Variants in ESR1 observed in about 807,000 individuals in gnomAD.
The protein encoded by ESR1 is estrogen receptor 1.
Under a neutral mutation model 52.7 loss-of-function variants are expected in ESR1, and 12 were observed. The observed-to-expected ratio is 0.23, with a 90% CI of 0.15 to 0.37. The LOEUF is 0.37. Among genes scored for constraint, ESR1 ranks in the 10% least tolerant of loss-of-function variants. The pLI is 1.00. For missense variants in ESR1, 584 were observed against 779.7 expected (o/e 0.75, Z 2.99); for synonymous variants, 305 against 316.8 (o/e 0.96, Z 0.39).
At chr6:151,666,002 A>G (rs1232181311) in intron 1 of ESR1, among the ~76,000 whole-genome samples, 4 of 152,204 alleles carry the variant, frequency 2.6e-5, no homozygotes, top group Non-Finnish European at 5.9e-5. Context: ...CTAAGAAATT[A>G]TTGGGAAAAA....
intron 2 of ESR1, among the ~76,000 whole-genome samples, chr6:151,749,526 A>G (rs1186537994): frequency 6.6e-6 from 1 of 152,128 alleles, no homozygotes; most frequent in Admixed American, 6.6e-5. Flanking sequence ...GATTCCTCTC[A>G]CCTAACTGCA....
intron 6 of ESR1, among the ~76,000 whole-genome samples, chr6:152,112,456 G>A (rs1254403129): frequency 1.3e-5 from 2 of 152,114 alleles, no homozygotes; most frequent in South Asian, 2.1e-4. Context: ...AGCTACCAGG[G>A]ATATTTAGGC....
chr6:151,686,633 A>C (rs1778692698), upstream of ESR1, among the ~76,000 whole-genome samples: 3 of 152,196 alleles, frequency 2.0e-5, no homozygotes, highest in Admixed American at 2.0e-4. Context: ...GCTTGCAGTG[A>C]GCCGAGATGG....
chr6:152,015,786 C>T (rs897317879), intron 5 of ESR1, among the ~76,000 whole-genome samples: 17 of 152,086 alleles, frequency 1.1e-4, no homozygotes, highest in East Asian at 3.8e-4. Flanking sequence ...GCGCATTTGG[C>T]GTGTGCTTAT....
At chr6:151,999,207 T>C (rs1308294601) in intron 4 of ESR1, among the ~76,000 whole-genome samples, 1 of 152,152 alleles carries the variant, frequency 6.6e-6, no homozygotes, top group African/African-American at 2.4e-5. Flanking sequence ...CAGATTTTGC[T>C]ATCACTTAAA....
chr6:152,011,494 TTTAAAAATAATTACTTGA>T (rs1452595359), intron 4 of ESR1, among the ~76,000 whole-genome samples, 144 bp from the exon 5 acceptor site: 2 of 152,086 alleles, frequency 1.3e-5, no homozygotes, highest in African/African-American at 2.4e-5. Flanking sequence ...ATAGCTAGAC[TTTAAAAATAATTACTTGA>T]CTTCACTATA....
intron 4 of ESR1, among the ~76,000 whole-genome samples, chr6:151,975,462 A>T (rs574181626): frequency 1.3e-5 from 2 of 152,258 alleles, no homozygotes; most frequent in Non-Finnish European, 1.5e-5. Flanking sequence ...CAATCAATCA[A>T]TCAAGACAAA....
intron 3 of ESR1, among the ~76,000 whole-genome samples, chr6:151,939,516 T>C (rs769722396): frequency 7.2e-5 from 11 of 152,208 alleles, no homozygotes; most frequent in Non-Finnish European, 1.5e-4. Flanking sequence ...GTATGTTCCA[T>C]AGTGACACAG....
At chr6:151,861,039 TA>T (rs1788791012) in intron 2 of ESR1, among the ~76,000 whole-genome samples, 1 of 152,192 alleles carries the variant, frequency 6.6e-6, no homozygotes, top group Non-Finnish European at 1.5e-5. Context: ...TTCCCTGACT[TA>T]AAATATACTT....
chr6:151,725,215 C>A (rs185277056), intron 2 of ESR1, among the ~76,000 whole-genome samples: 2 of 152,028 alleles, frequency 1.3e-5, no homozygotes, highest in African/African-American at 2.4e-5. Flanking sequence ...CCCCCCAGGG[C>A]GGTTTAGTAT....
intron 2 of ESR1, among the ~76,000 whole-genome samples, chr6:151,712,460 T>G (rs957346874): frequency 7.2e-5 from 11 of 152,214 alleles, no homozygotes. Context: ...ATATTGATTC[T>G]TCCTATCCAA....
intron 4 of ESR1, among the ~76,000 whole-genome samples, chr6:151,988,690 C>G (rs1428046781): frequency 6.6e-6 from 1 of 151,866 alleles, no homozygotes; most frequent in Non-Finnish European, 1.5e-5. Flanking sequence ...ACAAGTTTAC[C>G]TATGTGAGAA....
At chr6:152,083,321 A>G (rs2049400375) in intron 6 of ESR1, among the ~76,000 whole-genome samples, 1 of 152,232 alleles carries the variant, frequency 6.6e-6, no homozygotes. Flanking sequence ...CACATCTGCA[A>G]CCATCTGATC....
chr6:151,858,662 G>A (rs1788327935), intron 2 of ESR1, among the ~76,000 whole-genome samples: 1 of 150,218 alleles, frequency 6.7e-6, no homozygotes, highest in Admixed American at 6.6e-5. Context: ...TCCCTGAGGA[G>A]TTTAGCTTTG....
chr6:152,116,534 G>C (rs2051212579), intron 6 of ESR1, among the ~76,000 whole-genome samples: 1 of 152,202 alleles, frequency 6.6e-6, no homozygotes, highest in Non-Finnish European at 1.5e-5. Flanking sequence ...ATGATGTAGA[G>C]AGAGTAGATA....
At chr6:151,671,302 T>C (rs1340025166) in intron 1 of ESR1, among the ~76,000 whole-genome samples, 1 of 152,146 alleles carries the variant, frequency 6.6e-6, no homozygotes. Flanking sequence ...AACAGATGAA[T>C]GGATAAAGCA....
chr6:151,822,055 A>T (rs982405901), intron 1 of ESR1, among the ~76,000 whole-genome samples: 2 of 152,222 alleles, frequency 1.3e-5, no homozygotes, highest in Admixed American at 6.5e-5. Flanking sequence ...ATCAGGATAG[A>T]ATTTATAACT....
chr6:152,100,341 G>A lies in ESR1; in HGVS notation c.*1375G>A, dbSNP rs1390407500. 7 of 370,738 alleles carry A rather than the reference G, an allele frequency of 1.9e-5. No individual in the cohort carries two copies. Among genetic ancestry groups the A allele is most frequent in the East Asian group, 3.8e-5 (1 of 26,242 alleles). The allele number at this position is 370,738 out of a possible 1,614,324, so 23.0% of individuals were successfully genotyped here. On this transcript the variant is annotated 3_prime_UTR_variant, in exon 8 of 8. Transcript: ENST00000206249. ...GCTGACTGGGGCCTGGTCAGATTAC[G>A]TATGCCCTTGGTGGTTTAGAGATAA... is the stretch of plus-strand genomic sequence containing the variant.
intron 4 of ESR1, among the ~76,000 whole-genome samples, chr6:151,992,280 C>G (rs1338729360): frequency 6.6e-6 from 1 of 152,068 alleles, no homozygotes; most frequent in East Asian, 1.9e-4. Flanking sequence ...TTCTCATCAT[C>G]CCAGGCAAAC....
Sources: gnomAD v4.1 joint callset for allele counts (sites outside exome capture counted in the v4.1 genomes callset) on GRCh38, gnomAD v4.1.1 for gene constraint, MANE v1.5 for transcripts, NCBI Gene and HGNC (gene_info 2026-07-23, HGNC 2026-07-21) for gene names.